RYK: variants seen among roughly 807,000 people sequenced by gnomAD.
The protein encoded by RYK is receptor like tyrosine kinase, also known as inactive tyrosine-protein kinase RYK.
In RYK, 21 loss-of-function variants were observed where a neutral mutation model predicts 70.2. The observed-to-expected ratio is 0.30, with a 90% CI of 0.21 to 0.43. The LOEUF (loss-of-function observed/expected upper bound fraction) is 0.43, where lower values mean the gene tolerates loss of function less well. Among genes scored for constraint, RYK ranks in the 20% least tolerant of loss-of-function variants. The pLI, the probability that RYK is intolerant of heterozygous loss-of-function variation, is 1.00. For synonymous variants in RYK, 267 were observed against 278.0 expected, an observed-to-expected ratio of 0.96 and a Z score of 0.39; for missense variants, 604 against 753.3, an observed-to-expected ratio of 0.80 and a Z score of 2.32.
chr3:134,215,630 A>G (rs572667237), intron 2 of RYK, among the ~76,000 whole-genome samples: 1 of 152,358 alleles, frequency 6.6e-6, no homozygotes, highest in Non-Finnish European at 1.5e-5. Context: ...TCACTTGCCA[A>G]TCATCCTTTA....
intron 9 of RYK, among the ~76,000 whole-genome samples, chr3:134,184,737 C>G (rs1240577183): frequency 6.6e-6 from 1 of 151,886 alleles, no homozygotes; most frequent in Non-Finnish European, 1.5e-5. Flanking sequence ...TGCACTCCAG[C>G]CTGGGCAACA....
intron 11 of RYK, among the ~76,000 whole-genome samples, chr3:134,176,949 G>C (rs955939080): frequency 1.3e-5 from 2 of 152,094 alleles, no homozygotes; most frequent in Non-Finnish European, 2.9e-5. Flanking sequence ...TCGGGAGGCT[G>C]AGGCAGGAGA....
At chr3:134,210,133 A>G (rs966593270) in intron 3 of RYK, among the ~76,000 whole-genome samples, 2 of 152,210 alleles carry the variant, frequency 1.3e-5, no homozygotes, top group Admixed American at 6.5e-5. Context: ...ACTTTGTCTC[A>G]TAAGTCCTGC....
intron 6 of RYK, among the ~76,000 whole-genome samples, chr3:134,195,675 G>C (rs769250449): frequency 6.6e-6 from 1 of 152,166 alleles, no homozygotes; most frequent in Non-Finnish European, 1.5e-5. Flanking sequence ...GGCCAGGTGC[G>C]GTGGCTCACG....
intron 1 of RYK, among the ~76,000 whole-genome samples, chr3:134,225,635 A>C (rs1351330432): frequency 6.6e-6 from 1 of 152,118 alleles, no homozygotes; most frequent in Non-Finnish European, 1.5e-5. Context: ...GAGAGGATCC[A>C]TTGAGGCTAG....
chr3:134,168,287 G>A (rs7620941), intron 13 of RYK, among the ~76,000 whole-genome samples: 70,624 of 151,986 alleles, frequency 0.46, 17,207 homozygotes, highest in Middle Eastern at 0.64. Flanking sequence ...ACCCAAAGGA[G>A]TATAAATCAT....
intron 1 of RYK, among the ~76,000 whole-genome samples, chr3:134,235,494 A>G (rs1317066197): frequency 6.6e-6 from 1 of 152,172 alleles, no homozygotes; most frequent in African/African-American, 2.4e-5. Context: ...AAACAAATTT[A>G]CTTTTAGAAA....
intron 4 of RYK, among the ~76,000 whole-genome samples, chr3:134,208,461 T>C (rs1437033404): frequency 6.6e-6 from 1 of 152,206 alleles, no homozygotes; most frequent in African/African-American, 2.4e-5. Flanking sequence ...GAAATCTCCT[T>C]TGTCTTTAAC....
chr3:134,167,871 C>G (rs558509189), intron 13 of RYK, among the ~76,000 whole-genome samples: 2 of 152,146 alleles, frequency 1.3e-5, no homozygotes, highest in Admixed American at 1.3e-4. Flanking sequence ...TTGTAATCTA[C>G]TCATCTGACA....
At chr3:134,158,314 A>G (rs906158352) in intron 14 of RYK, 50 bp from the exon 15 acceptor site, 5 of 1,240,602 alleles carry the variant, frequency 4.0e-6, no homozygotes, top group Middle Eastern at 1.9e-4. Flanking sequence ...TACAGTATTC[A>G]TAACTTTTGC....
intron 6 of RYK, among the ~76,000 whole-genome samples, chr3:134,200,120 A>C (rs1576517500): frequency 6.6e-6 from 1 of 151,912 alleles, no homozygotes; most frequent in Admixed American, 6.6e-5. Context: ...AAAGCAGGCC[A>C]CCCAAGCCAG....
At chr3:134,230,931 T>C (rs377758966) in intron 1 of RYK, among the ~76,000 whole-genome samples, 14 of 152,352 alleles carry the variant, frequency 9.2e-5, no homozygotes, top group African/African-American at 3.1e-4. Flanking sequence ...ATAGTATTTG[T>C]ACTAACATAA....
At chr3:134,191,013 T>A (rs1576512701) in intron 8 of RYK, among the ~76,000 whole-genome samples, 2 of 152,342 alleles carry the variant, frequency 1.3e-5, no homozygotes, top group East Asian at 3.9e-4. Context: ...GGGGACAGTT[T>A]AAGTACCTGA....
At chr3:134,169,056 G>A (rs2012798473) in intron 13 of RYK, among the ~76,000 whole-genome samples, 1 of 152,114 alleles carries the variant, frequency 6.6e-6, no homozygotes. Context: ...AATAAATAAT[G>A]TAAAGGCACA....
chr3:134,199,573 A>G (rs1421218857), intron 6 of RYK, among the ~76,000 whole-genome samples: 1 of 152,238 alleles, frequency 6.6e-6, no homozygotes, highest in Non-Finnish European at 1.5e-5. Context: ...CCTGGGGTAC[A>G]GTACTGGTAA....
Position 134,202,734 on chromosome 3 carries a change from C to A in RYK, c.784G>T (p.Asp262Tyr). The stretch of plus-strand genomic sequence containing the variant: ...TTCCCAAAATATGTACAATACCTGT[C>A]ATCCAGTTCAATCCTTTTCATACTA... ...LHSMKRIELDDSISASSSSQG... is the reference protein window; with the variant it reads ...LHSMKRIELDYSISASSSSQG... The change falls in exon 6 of 15, where the codon GAC becomes TAC. Residue 262 changes from aspartate (D) to tyrosine (Y), a missense_variant. Transcript: ENST00000623711. The A allele has an allele frequency of 6.2e-7, 1 of 1,611,368 alleles. No homozygotes were observed. Among genetic ancestry groups the A allele is most frequent in the South Asian group, 1.1e-5 (1 of 90,470 alleles).
intron 13 of RYK, among the ~76,000 whole-genome samples, chr3:134,174,397 CAT>C (rs1393390609): frequency 1.3e-5 from 2 of 152,162 alleles, no homozygotes; most frequent in Non-Finnish European, 2.9e-5. Flanking sequence ...TACAGTAATA[CAT>C]GATTAAAAGA....
At chr3:134,238,342 T>G (rs1012657588) in intron 1 of RYK, among the ~76,000 whole-genome samples, 3 of 152,196 alleles carry the variant, frequency 2.0e-5, no homozygotes, top group Admixed American at 2.0e-4. Flanking sequence ...CTAAGTGTCT[T>G]GATAGAACTG....
At chr3:134,209,602 T>C (rs2014327435) in intron 4 of RYK, 93 bp downstream of exon 4, 3 of 905,076 alleles carry the variant, frequency 3.3e-6, no homozygotes, top group Non-Finnish European at 3.1e-6. Context: ...TAATCATGAG[T>C]TGGACATACT....
Sources: gnomAD v4.1 joint callset for allele counts (sites outside exome capture counted in the v4.1 genomes callset) on GRCh38, gnomAD v4.1.1 for gene constraint, MANE v1.5 for transcripts, NCBI Gene and HGNC (gene_info 2026-07-23, HGNC 2026-07-21) for gene names.